The following PLEKHA5 variants were observed in gnomAD, a reference collection of about 807,000 sequenced individuals.
PLEKHA5 encodes the protein pleckstrin homology domain-containing family A member 5.
In PLEKHA5, 55 loss-of-function variants were observed where a neutral mutation model predicts 181.9. The observed-to-expected ratio is 0.30, with a 90% CI of 0.24 to 0.38. The LOEUF (loss-of-function observed/expected upper bound fraction) is 0.38, where lower values mean the gene tolerates loss of function less well. PLEKHA5 is among the 10% of genes least tolerant of loss of function. The pLI is 1.00. For synonymous variants in PLEKHA5, 535 were observed against 529.4 expected, an observed-to-expected ratio of 1.01 and a Z score of -0.15; for missense variants, 1,432 against 1,549.5, an observed-to-expected ratio of 0.92 and a Z score of 1.27.
In PLEKHA5 at chr12:19,271,706, G is replaced by A. The variant is rs11044471; in HGVS notation, c.845+1501G>A. 5.6e-4 allele frequency among the ~76,000 whole-genome samples: 85 copies of A among 151,948 alleles called. No homozygotes were observed. In the East Asian group the frequency reaches 0.01, roughly 18 times the overall value. ...CCACTCTAAAAACTGATAATTACTC[G>A]TAATTTGGGATGATAAAGATGGCAA... On this transcript the variant is annotated intron_variant, in intron 10 of 31. Transcript: ENST00000429027.
intron 15 of PLEKHA5, among the ~76,000 whole-genome samples, chr12:19,298,011 C>A (rs1049917709): frequency 6.6e-6 from 1 of 151,948 alleles, no homozygotes; most frequent in Non-Finnish European, 1.5e-5. Context: ...TTTGAGACAG[C>A]CTGGCCAACA....
chr12:19,310,609 CAAAAA>C (rs5796796), intron 15 of PLEKHA5, among the ~76,000 whole-genome samples: 1 of 111,958 alleles, frequency 8.9e-6, no homozygotes, highest in African/African-American at 3.7e-5. Flanking sequence ...GACTCCCTCT[CAAAAA>C]AAAAAAAAAA....
intron 3 of PLEKHA5, among the ~76,000 whole-genome samples, chr12:19,172,598 A>G (rs901465900): frequency 5.9e-5 from 9 of 152,242 alleles, no homozygotes; most frequent in African/African-American, 2.2e-4. Flanking sequence ...CATACCTGTT[A>G]GAATGGTTCA....
intron 15 of PLEKHA5, among the ~76,000 whole-genome samples, chr12:19,298,121 C>T (rs1276886211): frequency 6.6e-6 from 1 of 151,990 alleles, no homozygotes; most frequent in Non-Finnish European, 1.5e-5. Context: ...ATTGCTTGAA[C>T]CTGGGAGGCA....
chr12:19,352,206 A>G (rs1056118940), intron 25 of PLEKHA5, among the ~76,000 whole-genome samples: 1 of 151,954 alleles, frequency 6.6e-6, no homozygotes, highest in Non-Finnish European at 1.5e-5. Context: ...CAACGTGGCA[A>G]GATCCTGTCT....
intron 12 of PLEKHA5, among the ~76,000 whole-genome samples, chr12:19,286,406 A>G (rs1432725253): frequency 6.6e-6 from 1 of 152,224 alleles, no homozygotes; most frequent in African/African-American, 2.4e-5. Context: ...TCAAAGATGA[A>G]CATCTATAAT....
chr12:19,301,130 A>G (rs1400995558), intron 15 of PLEKHA5, among the ~76,000 whole-genome samples: 2 of 152,148 alleles, frequency 1.3e-5, no homozygotes, highest in East Asian at 3.8e-4. Flanking sequence ...AGCCTGGGCA[A>G]CAAGAGCGAA....
chr12:19,214,456 A>G (rs2057553891), intron 3 of PLEKHA5, among the ~76,000 whole-genome samples: 1 of 152,182 alleles, frequency 6.6e-6, no homozygotes, highest in African/African-American at 2.4e-5. Context: ...GAAAAGAGAA[A>G]TTCAACAACA....
At chr12:19,200,203 A>G (rs2053871910) in intron 3 of PLEKHA5, 5 of 672,176 alleles carry the variant, frequency 7.4e-6, no homozygotes, top group South Asian at 2.0e-5. Flanking sequence ...TAACTTGATC[A>G]TTACACTTTC....
chr12:19,221,682 C>T (rs1313830042), intron 3 of PLEKHA5, among the ~76,000 whole-genome samples: 2 of 152,050 alleles, frequency 1.3e-5, no homozygotes, highest in African/African-American at 2.4e-5. Flanking sequence ...GACAAAGGAG[C>T]CTATTACAAA....
chr12:19,236,688 C>T (rs1317116367), intron 3 of PLEKHA5, among the ~76,000 whole-genome samples: 1 of 152,208 alleles, frequency 6.6e-6, no homozygotes, highest in South Asian at 2.1e-4. Flanking sequence ...CTATTTGCAT[C>T]CATATATCTT....
At chr12:19,327,828 A>G (rs2092392610) in intron 20 of PLEKHA5, among the ~76,000 whole-genome samples, 1 of 151,782 alleles carries the variant, frequency 6.6e-6, no homozygotes, top group African/African-American at 2.4e-5. Flanking sequence ...TATTTTTAGT[A>G]GAGACAGGGT....
chr12:19,252,888 T>C (rs1391567817), intron 3 of PLEKHA5, among the ~76,000 whole-genome samples: 1 of 151,886 alleles, frequency 6.6e-6, no homozygotes, highest in East Asian at 1.9e-4. Context: ...TAGGTTTTCT[T>C]TCCATTTATG....
chr12:19,283,448 G>T lies in PLEKHA5; in HGVS notation c.1482G>T (p.Ala494=). ...ATGACAAGACATTAGGACCCGGAGCGGAGGAGAAACGGAGGTCCATGAGAG... is the reference window on the plus strand; with the variant it reads ...ATGACAAGACATTAGGACCCGGAGCTGAGGAGAAACGGAGGTCCATGAGAG... ...STHDKTLGPG[A]EEKRRSMRDD... is the part of the protein sequence containing the mutation. The change falls in exon 12 of 32, where the codon GCG becomes GCT. Residue 494 remains alanine (A), a synonymous_variant. Coordinates refer to ENST00000429027, the MANE Select transcript of PLEKHA5 (RefSeq NM_001256470.2). 6.2e-7 allele frequency: 1 copy of T among 1,614,072 alleles called. No individual in the cohort carries two copies. Among genetic ancestry groups the T allele is most frequent in the South Asian group, 1.1e-5 (1 of 91,074 alleles).
chr12:19,249,614 A>G (rs1167493566), intron 3 of PLEKHA5, among the ~76,000 whole-genome samples: 2 of 152,222 alleles, frequency 1.3e-5, no homozygotes, highest in Admixed American at 6.5e-5. Context: ...ATATATGTCT[A>G]TATAGATGTT....
intron 8 of PLEKHA5, among the ~76,000 whole-genome samples, chr12:19,268,184 TAAAAC>T (rs758572126): frequency 1.3e-5 from 2 of 152,186 alleles, no homozygotes; most frequent in Non-Finnish European, 2.9e-5. Context: ...TTTATGATGT[TAAAAC>T]AAAAGTTAAC....
At chr12:19,160,587 G>T (rs577179183) in intron 3 of PLEKHA5, among the ~76,000 whole-genome samples, 1 of 152,110 alleles carries the variant, frequency 6.6e-6, no homozygotes, top group East Asian at 1.9e-4. Flanking sequence ...TATAATAAGA[G>T]AATTGGGATT....
chr12:19,306,639 T>C, intron 15 of PLEKHA5: 1 of 1,188,702 alleles, frequency 8.4e-7, no homozygotes, highest in Non-Finnish European at 1.3e-6. Flanking sequence ...GGCGGCGGCA[T>C]CGAGGTAATA....
intron 28 of PLEKHA5, among the ~76,000 whole-genome samples, chr12:19,360,280 G>T (rs1033591318): frequency 6.7e-6 from 1 of 148,224 alleles, no homozygotes; most frequent in Admixed American, 7.1e-5. Context: ...GTAGAGATGG[G>T]CCACAGAGTG....
Sources: allele counts gnomAD v4.1 joint callset (sites outside exome capture counted in the v4.1 genomes callset), GRCh38; gene constraint gnomAD v4.1.1; transcripts MANE v1.5; gene names NCBI Gene and HGNC (gene_info 2026-07-23, HGNC 2026-07-21).